Variants in FBXO41 observed in about 807,000 individuals in gnomAD.
FBXO41 encodes the protein F-box only protein 41.
Under a neutral mutation model 81.6 loss-of-function variants are expected in FBXO41, and 33 were observed. The ratio of observed to expected loss-of-function variants is 0.40; its 90% CI spans 0.31 to 0.54. The LOEUF is 0.54. FBXO41 is among the 20% of genes least tolerant of loss of function. The pLI, the probability that FBXO41 is intolerant of heterozygous loss-of-function variation, is 0.39. For missense variants in FBXO41, 1,107 were observed against 1,236.0 expected, an observed-to-expected ratio of 0.90 and a Z score of 1.56; for synonymous variants, 576 against 552.7, an observed-to-expected ratio of 1.04 and a Z score of -0.59.
intron 2 of FBXO41, among the ~76,000 whole-genome samples, chr2:73,267,212 C>T (rs556995763): frequency 1.3e-5 from 2 of 152,318 alleles, no homozygotes; most frequent in East Asian, 1.9e-4. Context: ...CAGGCACAGC[C>T]TCACACATTC....
intron 8 of FBXO41, among the ~76,000 whole-genome samples, 184 bp downstream of exon 8, chr2:73,263,494 C>T (rs1227286282): frequency 6.6e-6 from 1 of 152,008 alleles, no homozygotes; most frequent in Non-Finnish European, 1.5e-5. Context: ...AGAAAATATA[C>T]AAGACAAAGC....
rs1688406665 is a variant in FBXO41 at position 73,269,348 on chromosome 2, C to T, written c.283G>A (p.Ala95Thr). Residue 95 changes from alanine (A) to threonine (T), a missense_variant, in exon 2 of 13, where the codon GCG becomes ACG. Ala to Thr is a moderately conservative substitution (Grantham distance 58). Around this residue, in one of 2 missense-constraint regions of FBXO41, gnomAD observed 771 missense variants for 789.2 expected, o/e 0.98. Coordinates refer to ENST00000520530, the MANE Select transcript of FBXO41 (RefSeq NM_001371389.2). The surrounding 1 kb of genome is among the most constrained non-coding windows in gnomAD (Gnocchi z 7.0). ...GGCGCCGCGGGCGACGGCCCGGCCG[C>T]CTGCTCCTTGCCCTGGAAGGAAGTG... ...ESTSFQGKEQ[A>T]AGPSPAAPHL... 8 of 1,516,374 alleles carry T rather than the reference C, an allele frequency of 5.3e-6. No homozygotes were observed. In the East Asian group the frequency reaches 2.2e-4, roughly 42 times the overall value. The allele number at this position is 1,516,374 out of a possible 1,614,324, so 93.9% of individuals were successfully genotyped here.
chr2:73,271,878 G>T (rs889242628), intron 1 of FBXO41, among the ~76,000 whole-genome samples: 2 of 152,198 alleles, frequency 1.3e-5, no homozygotes, highest in African/African-American at 4.8e-5. Context: ...TGATCCACCT[G>T]CCTCAGCCTT....
chr2:73,271,732 G>C (rs144158219), intron 1 of FBXO41, among the ~76,000 whole-genome samples: 3,714 of 151,186 alleles, frequency 0.025, 83 homozygotes, highest in Non-Finnish European at 0.035. Context: ...TGAAGTTCAA[G>C]CGATTCTCCT....
In FBXO41 at chr2:73,268,822, G is replaced by A. The variant is rs1361473872; in HGVS notation, c.809C>T (p.Ser270Phe). The A allele has an allele frequency of 6.3e-7, 1 of 1,577,898 alleles. No individual in the cohort carries two copies. The highest frequency in any genetic ancestry group is 8.6e-7 in the Non-Finnish European group (1 of 1,162,940). Reference sequence around the variant, plus strand: ...CACGTCCACCTGGCGGGAGAGCTCAGACGCGCGCTCCTCCAGCTCCTCCTT... The same window carrying A: ...CACGTCCACCTGGCGGGAGAGCTCAAACGCGCGCTCCTCCAGCTCCTCCTT... ...REKEELEERA[S>F]ELSRQVDVSV... Residue 270 changes from serine to phenylalanine, a missense_variant, in exon 2 of 13, where the codon TCT (serine) becomes TTT (phenylalanine). Physicochemically the swap from Ser to Phe is radical, Grantham distance 155 (BLOSUM62 -2). Around this residue, in one of 2 missense-constraint regions of FBXO41, gnomAD observed 771 missense variants for 789.2 expected, o/e 0.98. Transcript: ENST00000520530.
rs993172108 is a variant in FBXO41 at position 73,257,427 on chromosome 2, C to T, written c.*1555G>A. ...TCTGGAGGACTCTTTACAAGGTAAC[C>T]TGGGGGAGGGTCTTCATGTCCAAGC... On this transcript the variant is annotated 3_prime_UTR_variant, in exon 13 of 13. Transcript: ENST00000520530. This position sits in a 1 kb window ranked among gnomAD's most constrained non-coding sequence, Gnocchi z 4.6. The T allele has an allele frequency of 6.6e-5, 10 of 152,276 alleles. No homozygotes were observed. The highest frequency in any genetic ancestry group is 2.4e-4 in the African/African-American group (10 of 41,530). 9.4% of individuals were successfully genotyped at this position (152,276 alleles called of 1,614,324 possible).
intron 1 of FBXO41, among the ~76,000 whole-genome samples, chr2:73,282,274 G>A (rs1449836624): frequency 1.3e-5 from 2 of 152,194 alleles, no homozygotes; most frequent in African/African-American, 4.8e-5. Context: ...GATTACAGGC[G>A]TGAGCCACCG....
In FBXO41 at chr2:73,269,229, C is replaced by T; in HGVS notation, c.402G>A (p.Glu134=). Residue 134 remains glutamate, a synonymous_variant, in exon 2 of 13, where the codon GAG becomes GAA. Coordinates refer to ENST00000520530, the MANE Select transcript of FBXO41 (RefSeq NM_001371389.2). The surrounding 1 kb of genome is among the most constrained non-coding windows in gnomAD (Gnocchi z 7.0). ...PASLPCEELA[E]PGLVPAAAAR... is the part of the protein sequence containing the mutation. ...CTGCTGCGGCGGGCACAAGGCCCGG[C>T]TCGGCCAACTCCTCACAGGGCAGGC... The T allele has an allele frequency of 1.3e-6, 2 of 1,526,216 alleles. No individual in the cohort carries two copies. Among genetic ancestry groups the T allele is most frequent in the Non-Finnish European group, 1.8e-6 (2 of 1,138,116 alleles). The allele number at this position is 1,526,216 out of a possible 1,614,324, so 94.5% of individuals were successfully genotyped here.
chr2:73,263,856 G>C, intron 7 of FBXO41, 26 bp from the exon 8 acceptor site: 1 of 1,614,034 alleles, frequency 6.2e-7, no homozygotes, highest in Non-Finnish European at 8.5e-7. Flanking sequence ...AGGTCAGAGA[G>C]CTGGCAACCT....
rs1574382343 is a variant in FBXO41, at chr2:73,265,652, T to G, written c.1206-12A>C. ...CACGGCTGGAGGCCCTGGGGCAGGG[T>G]GGACCACACAGTAAGGGGTAAGAGG... On this transcript the variant is annotated splice_polypyrimidine_tract_variant and intron_variant, in intron 4 of 12. Transcript: ENST00000520530. The G allele has an allele frequency of 4.0e-6, 6 of 1,494,686 alleles. No individual in the cohort carries two copies. The East Asian group carries it at 7.0e-5, about 17-fold the overall frequency. 92.6% of individuals were successfully genotyped at this position (1,494,686 alleles called of 1,614,324 possible). A position where few individuals can be genotyped will look rare whatever the true frequency, so the allele number is the denominator to read the frequency against.
At chr2:73,262,495 C>T (rs1688053632) in intron 9 of FBXO41, among the ~76,000 whole-genome samples, 1 of 152,190 alleles carries the variant, frequency 6.6e-6, no homozygotes, top group Admixed American at 6.5e-5. Flanking sequence ...ATACACTGAC[C>T]TCCCTGAACC....
chr2:73,265,594 C>T lies in FBXO41; in HGVS notation c.1252G>A (p.Asp418Asn). ...PAASQSSGCY[D>N]SDSLELPRPE... ...CTGGGCAGCTCCAGACTGTCACTGT[C>T]ATAGCAGCCTGAGCTCTGGGATGCG... is the stretch of plus-strand genomic sequence containing the variant. The change falls in exon 5 of 13, where the codon GAC (aspartate) becomes AAC (asparagine). Residue 418 changes from aspartate (D) to asparagine (N), a missense_variant. By Grantham distance (23) the Asp-to-Asn change is conservative. Transcript: ENST00000520530. 6.5e-7 allele frequency: 1 copy of T among 1,535,922 alleles called. No individual in the cohort carries two copies. Among genetic ancestry groups the T allele is most frequent in the Non-Finnish European group, 8.7e-7 (1 of 1,143,644 alleles).
At chr2:73,282,138 G>C (rs1160721831) in intron 1 of FBXO41, among the ~76,000 whole-genome samples, 1 of 152,162 alleles carries the variant, frequency 6.6e-6, no homozygotes, top group African/African-American at 2.4e-5. Context: ...GGGATTACAG[G>C]CATGCACCAC....
chr2:73,264,242 C>T (rs751311746), intron 6 of FBXO41, 36 bp downstream of exon 6: 1 of 1,611,974 alleles, frequency 6.2e-7, no homozygotes, highest in Middle Eastern at 1.7e-4. Context: ...AAGGTGGGTT[C>T]ACAGCAGGGC....
intron 1 of FBXO41, among the ~76,000 whole-genome samples, chr2:73,280,490 C>T (rs910719514): frequency 6.6e-6 from 1 of 152,248 alleles, no homozygotes; most frequent in African/African-American, 2.4e-5. Context: ...CATCCCTGAG[C>T]TCCGCCCACT....
chr2:73,263,457 TAA>T (rs879811964), intron 8 of FBXO41, 149 bp from the exon 9 acceptor site: 1,618 of 646,678 alleles, frequency 2.5e-3, no homozygotes, highest in South Asian at 3.8e-3. Context: ...CGTCTCCATT[TAA>T]AAAAAAAAAA....
Position 73,276,074 on chromosome 2 carries a change from C to T in FBXO41, c.-138-6306G>A, listed in dbSNP as rs1218763596. 2.6e-5 allele frequency among the ~76,000 whole-genome samples: 4 copies of T among 151,490 alleles called. 1 individual carries two copies. The highest frequency in any genetic ancestry group is 9.7e-5 in the African/African-American group (4 of 41,068). On this transcript the variant is annotated intron_variant, in intron 1 of 12. Coordinates refer to ENST00000520530, the MANE Select transcript of FBXO41 (RefSeq NM_001371389.2). ...GTGCTAGGATTACAGGCGTGAGCCA[C>T]CACACCTGGCCAAGATTTAACTTTC...
In FBXO41 at chr2:73,263,990, G is replaced by A; in HGVS notation, c.1870C>T (p.Pro624Ser). Reference protein sequence around the residue: ...AHSLTLQNLKPRQRGKKESKE... With the variant: ...AHSLTLQNLKSRQRGKKESKE... Reference sequence around the variant, plus strand: ...CTCTCCTTCTTTCCCCGCTGCCGGGGCTTCAAGTTCTGCAGCGTCAGAGAG... The same window carrying A: ...CTCTCCTTCTTTCCCCGCTGCCGGGACTTCAAGTTCTGCAGCGTCAGAGAG... The change falls in exon 7 of 13, where the codon CCC becomes TCC. Residue 624 changes from proline (P) to serine (S), a missense_variant. Transcript: ENST00000520530. The A allele has an allele frequency of 4.4e-6, 7 of 1,606,226 alleles. No individual in the cohort carries two copies. The highest frequency in any genetic ancestry group is 6.0e-6 in the Non-Finnish European group (7 of 1,176,146).
rs1688264247 is a variant in FBXO41 at position 73,266,090 on chromosome 2, ATAGT to A, written c.1132-128_1132-125del. The A allele has an allele frequency of 1.1e-6, 1 of 873,852 alleles. No individual in the cohort carries two copies. The highest frequency in any genetic ancestry group is 1.8e-6 in the Non-Finnish European group (1 of 553,092). 54.1% of individuals were successfully genotyped at this position (873,852 alleles called of 1,614,324 possible). A position where few individuals can be genotyped will look rare whatever the true frequency, so the allele number is the denominator to read the frequency against. On this transcript the variant is annotated intron_variant, in intron 3 of 12. Transcript: ENST00000520530. This position sits in a 1 kb window ranked among gnomAD's most constrained non-coding sequence, Gnocchi z 5.3. ...TGGGGGAGAGGAGAGAGAAGGGAAA[ATAGT>A]TGGGAAAGATGGACAAATGGACAGA...
Sources: allele counts gnomAD v4.1 joint callset (sites outside exome capture counted in the v4.1 genomes callset), GRCh38; gene constraint gnomAD v4.1.1; regional missense constraint gnomAD v4.1.1; non-coding constraint Gnocchi (gnomAD v3.1); transcripts MANE v1.5; gene names NCBI Gene and HGNC (gene_info 2026-07-23, HGNC 2026-07-21).